Variants in HPSE2 observed in about 807,000 individuals in gnomAD.
The protein encoded by HPSE2 is inactive heparanase-2.
Under a neutral mutation model 60.5 loss-of-function variants are expected in HPSE2, and 38 were observed. The observed-to-expected ratio is 0.63, with a 90% CI of 0.48 to 0.82. HPSE2 has a LOEUF of 0.82. Among genes scored for constraint, HPSE2 ranks in the 40% least tolerant of loss-of-function variants. The pLI is 0.00. For synonymous variants in HPSE2, 295 were observed against 293.2 expected, an observed-to-expected ratio of 1.01 and a Z score of -0.06; for missense variants, 713 against 740.4, an observed-to-expected ratio of 0.96 and a Z score of 0.43.
chr10:99,012,906 A>G (rs892295673), intron 3 of HPSE2, among the ~76,000 whole-genome samples: 1 of 152,206 alleles, frequency 6.6e-6, no homozygotes, highest in Non-Finnish European at 1.5e-5. Flanking sequence ...TTACTTTGGA[A>G]AAAACTAATG....
At chr10:98,735,658 G>A (rs946649088) in intron 4 of HPSE2, among the ~76,000 whole-genome samples, 9 of 152,140 alleles carry the variant, frequency 5.9e-5, no homozygotes, top group African/African-American at 1.7e-4. Flanking sequence ...TTGCATTGGC[G>A]TGACCTGGAT....
At chr10:98,760,980 T>G (rs1380454434) in intron 3 of HPSE2, among the ~76,000 whole-genome samples, 1 of 152,092 alleles carries the variant, frequency 6.6e-6, no homozygotes, top group Non-Finnish European at 1.5e-5. Context: ...TTTTGACAAC[T>G]GAGAATCTTA....
intron 9 of HPSE2, among the ~76,000 whole-genome samples, chr10:98,590,180 T>C (rs1286977280): frequency 1.3e-5 from 2 of 152,256 alleles, no homozygotes; most frequent in Admixed American, 6.5e-5. Context: ...TGGTGGCTCA[T>C]GCCTGCAATC....
At chr10:99,017,987 A>C (rs988354874) in intron 3 of HPSE2, among the ~76,000 whole-genome samples, 1 of 152,152 alleles carries the variant, frequency 6.6e-6, no homozygotes, top group African/African-American at 2.4e-5. Context: ...TAGTAATAAT[A>C]AAGAGGAAAA....
intron 7 of HPSE2, among the ~76,000 whole-genome samples, chr10:98,639,485 CTGCATAT>C (rs1946582949): frequency 6.6e-6 from 1 of 152,180 alleles, no homozygotes. Flanking sequence ...CAGTTGCTTT[CTGCATAT>C]AGGTCATCTC....
chr10:99,237,667 C>T (rs1442845521), upstream of HPSE2, among the ~76,000 whole-genome samples: 1 of 152,188 alleles, frequency 6.6e-6, no homozygotes. Flanking sequence ...GATGTTGGCT[C>T]CAGCCCTAAG....
chr10:98,697,651 C>A (rs983721512), intron 5 of HPSE2, among the ~76,000 whole-genome samples: 4 of 152,074 alleles, frequency 2.6e-5, no homozygotes, highest in Admixed American at 6.6e-5. Flanking sequence ...TCAGGAAATA[C>A]AGAGAACCGC....
intron 4 of HPSE2, among the ~76,000 whole-genome samples, chr10:98,739,498 A>T (rs934290774): frequency 6.6e-6 from 1 of 152,110 alleles, no homozygotes; most frequent in East Asian, 1.9e-4. Flanking sequence ...TAAATACATC[A>T]TACATTTATC....
upstream of HPSE2, among the ~76,000 whole-genome samples, chr10:99,238,911 A>G (rs927362408): frequency 1.3e-5 from 2 of 152,168 alleles, no homozygotes; most frequent in Non-Finnish European, 2.9e-5. Flanking sequence ...CTGTAATCCC[A>G]GCACTTTGGG....
chr10:99,021,723 G>A (rs1957267120), intron 3 of HPSE2, among the ~76,000 whole-genome samples: 1 of 151,338 alleles, frequency 6.6e-6, no homozygotes, highest in South Asian at 2.1e-4. Flanking sequence ...CCTCAGGCTT[G>A]TGCCTTAATA....
At chr10:99,089,102 G>A (rs1164011436) in intron 3 of HPSE2, among the ~76,000 whole-genome samples, 1 of 152,112 alleles carries the variant, frequency 6.6e-6, no homozygotes, top group East Asian at 1.9e-4. Context: ...TGTATAGATT[G>A]CAAAGATTTT....
At chr10:99,096,728 G>A (rs1843731308) in intron 3 of HPSE2, among the ~76,000 whole-genome samples, 2 of 151,948 alleles carry the variant, frequency 1.3e-5, no homozygotes. Context: ...CACAGCGGGG[G>A]AAAAGCATCC....
intron 2 of HPSE2, among the ~76,000 whole-genome samples, chr10:99,213,339 C>T (rs1226555511): frequency 1.3e-5 from 2 of 152,000 alleles, no homozygotes; most frequent in Admixed American, 6.6e-5. Flanking sequence ...TGATGATTTG[C>T]TTCATAAACA....
At chr10:99,106,547 ATCT>A (rs1179208921) in intron 3 of HPSE2, among the ~76,000 whole-genome samples, 1 of 151,788 alleles carries the variant, frequency 6.6e-6, no homozygotes, top group Non-Finnish European at 1.5e-5. Context: ...GATATATATA[ATCT>A]TTTTTATAAG....
intron 3 of HPSE2, among the ~76,000 whole-genome samples, chr10:98,747,461 C>A (rs1232085838): frequency 1.3e-5 from 2 of 152,044 alleles, no homozygotes; most frequent in Non-Finnish European, 2.9e-5. Context: ...GCATATCAAA[C>A]CTTTGATTTC....
intron 3 of HPSE2, among the ~76,000 whole-genome samples, chr10:98,844,829 A>G (rs1951998568): frequency 6.6e-6 from 1 of 152,236 alleles, no homozygotes; most frequent in African/African-American, 2.4e-5. Context: ...ACAGATAAGA[A>G]ATCTGAAGCT....
At chr10:99,210,284 A>G (rs1848912957) in intron 2 of HPSE2, among the ~76,000 whole-genome samples, 1 of 152,180 alleles carries the variant, frequency 6.6e-6, no homozygotes, top group Non-Finnish European at 1.5e-5. Flanking sequence ...GAAATAAAAG[A>G]TCTCTCCTCA....
At chr10:98,873,112 T>C (rs1952778795) in intron 3 of HPSE2, among the ~76,000 whole-genome samples, 1 of 152,078 alleles carries the variant, frequency 6.6e-6, no homozygotes, top group African/African-American at 2.4e-5. Context: ...TCCCAAAGCA[T>C]AGGACGTATA....
At chr10:99,017,816 C>T (rs1957176285) in intron 3 of HPSE2, among the ~76,000 whole-genome samples, 1 of 152,146 alleles carries the variant, frequency 6.6e-6, no homozygotes. Flanking sequence ...TAAAGTGACT[C>T]TGATATATGC....
Sources: allele counts gnomAD v4.1 joint callset (sites outside exome capture counted in the v4.1 genomes callset), GRCh38; gene constraint gnomAD v4.1.1; transcripts MANE v1.5; gene names NCBI Gene and HGNC (gene_info 2026-07-23, HGNC 2026-07-21).